The following TRDN variants were observed in gnomAD, a reference collection of about 807,000 sequenced individuals.
The protein encoded by TRDN is triadin.
In TRDN, 161 loss-of-function variants were observed where a neutral mutation model predicts 149.7. The ratio of observed to expected loss-of-function variants is 1.08; its 90% CI spans 0.95 to 1.23. The LOEUF (loss-of-function observed/expected upper bound fraction) is 1.23. TRDN is among the 50% of genes most tolerant of loss of function. The pLI, the probability that TRDN is intolerant of heterozygous loss-of-function variation, is 0.00. For synonymous variants in TRDN, 294 were observed against 250.5 expected (o/e 1.17, Z -1.64); for missense variants, 896 against 823.5 (o/e 1.09, Z -1.08).
At chr6:123,356,982 C>T (rs1036134216) in intron 20 of TRDN, among the ~76,000 whole-genome samples, 1 of 151,204 alleles carries the variant, frequency 6.6e-6, no homozygotes, top group Non-Finnish European at 1.5e-5. Flanking sequence ...AGCTTTGGCT[C>T]TTTCATTTAT....
chr6:123,478,968 C>A (rs560510376), intron 9 of TRDN, among the ~76,000 whole-genome samples: 13 of 152,128 alleles, frequency 8.5e-5, no homozygotes, highest in African/African-American at 3.1e-4. Context: ...AGACAATAAA[C>A]AACTTAAAGC....
At chr6:123,225,261 A>G (rs1775312537) in intron 38 of TRDN, among the ~76,000 whole-genome samples, 1 of 151,722 alleles carries the variant, frequency 6.6e-6, no homozygotes. Flanking sequence ...GAGAAAAGGG[A>G]ACTCTTGTTC....
At chr6:123,529,472 T>C in intron 5 of TRDN, 1 of 996,330 alleles carries the variant, frequency 1.0e-6, no homozygotes, top group Non-Finnish European at 1.5e-6. Flanking sequence ...ATAATATCTG[T>C]AGAATGATTT....
At chr6:123,518,226 T>C (rs952206297) in intron 5 of TRDN, among the ~76,000 whole-genome samples, 1 of 152,182 alleles carries the variant, frequency 6.6e-6, no homozygotes, top group Non-Finnish European at 1.5e-5. Context: ...TTTTTCCACA[T>C]TTAATGGTTC....
chr6:123,246,870 C>A (rs60381543), intron 38 of TRDN, among the ~76,000 whole-genome samples: 1 of 151,866 alleles, frequency 6.6e-6, no homozygotes, highest in Non-Finnish European at 1.5e-5. Context: ...ACTGACAAAC[C>A]GAATCCAGCA....
intron 23 of TRDN, among the ~76,000 whole-genome samples, chr6:123,331,343 T>C (rs1490753132): frequency 6.6e-6 from 1 of 152,022 alleles, no homozygotes; most frequent in Admixed American, 6.6e-5. Flanking sequence ...GAGATTGAAG[T>C]TCTAATGCTG....
At chr6:123,453,475 G>T (rs1775911952) in intron 10 of TRDN, among the ~76,000 whole-genome samples, 1 of 151,884 alleles carries the variant, frequency 6.6e-6, no homozygotes, top group Non-Finnish European at 1.5e-5. Flanking sequence ...CTCAAAAGAA[G>T]ATATACAAAT....
chr6:123,583,365 A>G (rs4361635), intron 1 of TRDN, among the ~76,000 whole-genome samples: 137,784 of 151,948 alleles, frequency 0.91, 62,660 homozygotes, highest in East Asian at 1. Flanking sequence ...ATAAAAAGGA[A>G]CGTCTATACA....
At chr6:123,306,031 T>G (rs1778596865) in intron 24 of TRDN, among the ~76,000 whole-genome samples, 1 of 152,188 alleles carries the variant, frequency 6.6e-6, no homozygotes, top group Non-Finnish European at 1.5e-5. Flanking sequence ...TTATTCAAAC[T>G]GGATTTATTA....
chr6:123,616,586 C>G (rs1230151490), intron 1 of TRDN, among the ~76,000 whole-genome samples: 17 of 151,980 alleles, frequency 1.1e-4, no homozygotes, highest in Admixed American at 1.1e-3. Context: ...TGTATGATTT[C>G]TTACCACTTA....
At chr6:123,633,806 G>A (rs1786142557) in intron 1 of TRDN, among the ~76,000 whole-genome samples, 1 of 151,938 alleles carries the variant, frequency 6.6e-6, no homozygotes, top group Non-Finnish European at 1.5e-5. Flanking sequence ...GGAAATTGAT[G>A]TGAGCAACTA....
chr6:123,506,736 G>A (rs1320466069), intron 7 of TRDN, among the ~76,000 whole-genome samples: 3 of 151,876 alleles, frequency 2.0e-5, no homozygotes, highest in Non-Finnish European at 4.4e-5. Flanking sequence ...CGATCCACCC[G>A]CCTCGGCCTC....
At chr6:123,349,832 G>C in intron 21 of TRDN, 1 of 985,376 alleles carries the variant, frequency 1.0e-6, no homozygotes. Flanking sequence ...AGAAGAATCT[G>C]ATAAGGTGGA....
intron 2 of TRDN, 32 bp from the exon 3 acceptor site, chr6:123,548,644 A>C (rs928567507): frequency 1.4e-5 from 19 of 1,325,632 alleles, no homozygotes; most frequent in Non-Finnish European, 1.8e-5. Context: ...AAAAAAGAAA[A>C]AGTTTGTGAT....
At chr6:123,285,482 A>G (rs904237234) in intron 24 of TRDN, among the ~76,000 whole-genome samples, 1 of 152,170 alleles carries the variant, frequency 6.6e-6, no homozygotes, top group African/African-American at 2.4e-5. Flanking sequence ...TTGGCAAGCC[A>G]CATGTAGGAG....
At chr6:123,431,163 G>A (rs74435119) in intron 12 of TRDN, among the ~76,000 whole-genome samples, 5 of 152,182 alleles carry the variant, frequency 3.3e-5, no homozygotes, top group Non-Finnish European at 5.9e-5. Context: ...TCATCTGAAC[G>A]CAGATTTACA....
At position 123,425,277 on chromosome 6, in the gene TRDN, GTA is replaced by G. The variant is rs764899021; in HGVS notation, c.1051+12784_1051+12785del. 5.5e-4 allele frequency among the ~76,000 whole-genome samples: 62 copies of G among 113,690 alleles called. 1 individual carries two copies. In the East Asian group the frequency reaches 0.013, roughly 24 times the overall value. The allele number at this position is 113,690 out of a possible 152,430, so 74.6% of individuals were successfully genotyped here. A position where few individuals can be genotyped will look rare whatever the true frequency, so the allele number is the denominator to read the frequency against. ...TGTGTGTGTGTGTGTGTGTGTGTGTGTATGTGTAGATGAGGGGTGTTGTTGTT... is the reference window on the plus strand; with the variant it reads ...TGTGTGTGTGTGTGTGTGTGTGTGTGTGTGTAGATGAGGGGTGTTGTTGTT... On this transcript the variant is annotated intron_variant, in intron 12 of 40. Coordinates refer to ENST00000334268, the MANE Select transcript of TRDN (RefSeq NM_006073.4).
At chr6:123,347,376 G>GT (rs1554226815) in intron 21 of TRDN, among the ~76,000 whole-genome samples, 4 of 151,610 alleles carry the variant, frequency 2.6e-5, no homozygotes, top group African/African-American at 7.3e-5. Flanking sequence ...ATTTTTTATA[G>GT]TTTTTTTTCT....
At chr6:123,351,375 C>T (rs1051228231) in intron 21 of TRDN, 19 of 983,008 alleles carry the variant, frequency 1.9e-5, no homozygotes, top group Admixed American at 1.2e-4. Context: ...CTCAGGAACA[C>T]GCATAAATGA....
Sources: gnomAD v4.1 joint callset for allele counts (sites outside exome capture counted in the v4.1 genomes callset) on GRCh38, gnomAD v4.1.1 for gene constraint, MANE v1.5 for transcripts, NCBI Gene and HGNC (gene_info 2026-07-23, HGNC 2026-07-21) for gene names.